The following LRRC27 variants were observed in gnomAD, a reference collection of about 807,000 sequenced individuals.
The protein encoded by LRRC27 is leucine rich repeat containing 27.
LRRC27 carries 57 observed loss-of-function variants against 55.0 expected under a neutral mutation model. The ratio of observed to expected loss-of-function variants is 1.04; its 90% CI spans 0.84 to 1.29. The LOEUF is 1.29. LRRC27 is among the 50% of genes most tolerant of loss of function. The pLI, the probability that LRRC27 is intolerant of heterozygous loss-of-function variation, is 0.00. For synonymous variants in LRRC27, 278 were observed against 251.9 expected (o/e 1.10, Z -0.98); for missense variants, 721 against 651.5 (o/e 1.11, Z -1.16).
intron 10 of LRRC27, among the ~76,000 whole-genome samples, chr10:132,369,076 G>A (rs1363133109): frequency 6.6e-6 from 1 of 152,192 alleles, no homozygotes; most frequent in Non-Finnish European, 1.5e-5. Context: ...CATCAGAAAT[G>A]CAAGTTAAGG....
chr10:132,353,062 C>T, intron 7 of LRRC27: 2 of 1,538,340 alleles, frequency 1.3e-6, no homozygotes, highest in African/African-American at 1.4e-5. Context: ...TGGCTTCACC[C>T]CTCCCTGGGC....
intron 2 of LRRC27, chr10:132,336,621 G>T: frequency 1.6e-6 from 1 of 634,976 alleles, no homozygotes; most frequent in East Asian, 2.9e-5. Context: ...TCCACGCACT[G>T]TTCTTTAGTG....
Position 132,348,464 on chromosome 10 carries a change from T to C in LRRC27, c.926+108T>C. The C allele has an allele frequency of 1.4e-6, 2 of 1,444,920 alleles. No individual in the cohort carries two copies. Among genetic ancestry groups the C allele is most frequent in the Non-Finnish European group, 1.9e-6 (2 of 1,066,142 alleles). 89.5% of individuals were successfully genotyped at this position (1,444,920 alleles called of 1,614,324 possible). ...TCCAGCTTTTAAAGTGTCCTCCACG[T>C]TGCCACCGTTTACTGTGCAGTGAGT... On this transcript the variant is annotated intron_variant, in intron 6 of 10. Transcript: ENST00000368614. This position sits in a 1 kb window ranked among gnomAD's most constrained non-coding sequence, Gnocchi z 4.2.
rs1415658281 is a variant in LRRC27 at position 132,379,036 on chromosome 10, G to A, written c.*3794G>A. ...ACCTCCGTGTTCTCGGGGAGTGCGT[G>A]GTGTCAGATCCCATCCTGCTCATCT... On this transcript the variant is annotated 3_prime_UTR_variant, in exon 11 of 11. Coordinates refer to ENST00000368614, the MANE Select transcript of LRRC27 (RefSeq NM_030626.3). 6.8e-6 allele frequency: 1 copy of A among 147,872 alleles called. No individual in the cohort carries two copies. Among genetic ancestry groups the A allele is most frequent in the African/African-American group, 2.5e-5 (1 of 39,216 alleles). 9.2% of individuals were successfully genotyped at this position (147,872 alleles called of 1,614,324 possible). A position where few individuals can be genotyped will look rare whatever the true frequency, so the allele number is the denominator to read the frequency against.
In LRRC27 at chr10:132,347,979, C is replaced by G; in HGVS notation, c.554-5C>G. 6.3e-7 allele frequency: 1 copy of G among 1,593,728 alleles called. No individual in the cohort carries two copies. Among genetic ancestry groups the G allele is most frequent in the Non-Finnish European group, 8.5e-7 (1 of 1,171,316 alleles). On this transcript the variant is annotated splice_region_variant and splice_polypyrimidine_tract_variant and intron_variant, in intron 5 of 10. Coordinates refer to ENST00000368614, the MANE Select transcript of LRRC27 (RefSeq NM_030626.3). ...AGCTACTAAAGCGGTTTCTTACTCT[C>G]CCAGAGGCTCCACCGGTTAGAGAGA...
At position 132,381,498 on chromosome 10, in the gene LRRC27, T is replaced by C. The variant is rs2069409426; in HGVS notation, c.*6256T>C. ...CCTCAGTTCTCCTTAATAAACTCCA[T>C]TTCATATGTATATATATCCTATTCT... On this transcript the variant is annotated 3_prime_UTR_variant, in exon 11 of 11. Coordinates refer to ENST00000368614, the MANE Select transcript of LRRC27 (RefSeq NM_030626.3). Among the ~76,000 whole-genome samples, 1 of 152,208 alleles carries C rather than the reference T, an allele frequency of 6.6e-6. No homozygotes were observed. Among genetic ancestry groups the C allele is most frequent in the Admixed American group, 6.5e-5 (1 of 15,284 alleles).
At chr10:132,332,008 C>A (rs2066789428), upstream of LRRC27, 6 of 404,988 alleles carry the variant, frequency 1.5e-5, 1 homozygote, top group Non-Finnish European at 2.6e-5. Flanking sequence ...GACCCCCTGC[C>A]GCGCAGGGGC....
intron 10 of LRRC27, among the ~76,000 whole-genome samples, chr10:132,371,614 C>T (rs1329558072): frequency 6.6e-6 from 1 of 152,214 alleles, no homozygotes; most frequent in African/African-American, 2.4e-5. Context: ...AATAGAGCCC[C>T]ACGTCTCAGC....
Position 132,355,700 on chromosome 10 carries a change from G to A in LRRC27, c.1074-90G>A, listed in dbSNP as rs80276124. On this transcript the variant is annotated intron_variant, in intron 7 of 10. Transcript: ENST00000368614. ...CAGCCTGTGCCCCCTGGAGACAGGT[G>A]CACCGCAAGGCTGTAGAATGACAGA... 784 of 971,004 alleles carry A rather than the reference G, an allele frequency of 8.1e-4. 1 individual carries two copies. In the African/African-American group the frequency reaches 0.011, roughly 14 times the overall value. The allele number at this position is 971,004 out of a possible 1,614,324, so 60.1% of individuals were successfully genotyped here.
intron 10 of LRRC27, among the ~76,000 whole-genome samples, chr10:132,373,200 A>G (rs1294064997): frequency 1.3e-5 from 2 of 152,204 alleles, no homozygotes; most frequent in African/African-American, 4.8e-5. Flanking sequence ...TTAGTAGATG[A>G]ATAAATCCCC....
chr10:132,352,875 TC>T (rs1177028373), intron 7 of LRRC27: 2 of 1,613,874 alleles, frequency 1.2e-6, no homozygotes, highest in East Asian at 4.5e-5. Flanking sequence ...TTCTTGTTCT[TC>T]CTCAGTCCTT....
rs1439949673 is a variant in LRRC27, at chr10:132,348,543, G to A, written c.926+187G>A. Among the ~76,000 whole-genome samples the A allele has an allele frequency of 1.3e-5, 2 of 152,198 alleles. No individual in the cohort carries two copies. The highest frequency in any genetic ancestry group is 2.4e-5 in the African/African-American group (1 of 41,452). ...CCCGCATCAAGCCCGGAGCATCTGC[G>A]GCAGAGCTCAGTCCATTCAGAGGCT... On this transcript the variant is annotated intron_variant, in intron 6 of 10. Transcript: ENST00000368614. The surrounding 1 kb of genome is among the most constrained non-coding windows in gnomAD (Gnocchi z 4.2).
intron 5 of LRRC27, among the ~76,000 whole-genome samples, chr10:132,345,186 C>T (rs1376959570): frequency 2.0e-5 from 3 of 152,164 alleles, no homozygotes; most frequent in Non-Finnish European, 2.9e-5. Flanking sequence ...ATTGTAGTTA[C>T]ACTTGGAAAA....
intron 2 of LRRC27, among the ~76,000 whole-genome samples, chr10:132,334,025 T>C (rs1170971887): frequency 1.3e-5 from 2 of 152,228 alleles, no homozygotes; most frequent in East Asian, 1.9e-4. Flanking sequence ...CCAAACACGC[T>C]TGGTCTCTTA....
In LRRC27 at chr10:132,364,746, A is replaced by G. The variant is rs1170740794; in HGVS notation, c.1290-678A>G. ...CGCGTCCACACTTACATCTACCTCCACGCCCACACTTACACTCATGCTTAC... is the reference window on the plus strand; with the variant it reads ...CGCGTCCACACTTACATCTACCTCCGCGCCCACACTTACACTCATGCTTAC... On this transcript the variant is annotated intron_variant, in intron 9 of 10. Transcript: ENST00000368614. Among the ~76,000 whole-genome samples, 2 of 4,988 alleles carry G rather than the reference A, an allele frequency of 4.0e-4. 1 individual carries two copies. Among genetic ancestry groups the G allele is most frequent in the African/African-American group, 5.8e-4 (2 of 3,462 alleles). The allele number at this position is 4,988 out of a possible 152,430, so 3.3% of individuals were successfully genotyped here. A position where few individuals can be genotyped will look rare whatever the true frequency, so the allele number is the denominator to read the frequency against.
chr10:132,373,921 C>T (rs890763889), intron 10 of LRRC27, among the ~76,000 whole-genome samples: 11 of 152,174 alleles, frequency 7.2e-5, no homozygotes, highest in African/African-American at 2.7e-4. Flanking sequence ...ACAGGGAATA[C>T]AGGTTTCTAT....
intron 5 of LRRC27, among the ~76,000 whole-genome samples, chr10:132,347,746 T>A (rs1035849046): frequency 6.6e-6 from 1 of 152,130 alleles, no homozygotes; most frequent in Admixed American, 6.5e-5. Context: ...CCAGGTGTGC[T>A]TCTGGCAGTG....
At chr10:132,364,660 C>T (rs563602073) in intron 9 of LRRC27, among the ~76,000 whole-genome samples, 2 of 84,640 alleles carry the variant, frequency 2.4e-5, no homozygotes, top group African/African-American at 8.1e-5. Flanking sequence ...ACACTTACAT[C>T]TACCTGCACA....
At chr10:132,330,339 C>T, upstream of LRRC27, 1 of 665,028 alleles carries the variant, frequency 1.5e-6, no homozygotes, top group Non-Finnish European at 2.8e-6. Context: ...AATGCTGAAA[C>T]TTGTTAGAAA....
Sources: gnomAD v4.1 joint callset for allele counts (sites outside exome capture counted in the v4.1 genomes callset) on GRCh38, gnomAD v4.1.1 for gene constraint, Gnocchi (gnomAD v3.1) non-coding constraint, MANE v1.5 for transcripts, NCBI Gene and HGNC (gene_info 2026-07-23, HGNC 2026-07-21) for gene names.